Variants in ARHGEF28 observed in about 807,000 individuals in gnomAD.
ARHGEF28 encodes the protein 190 kDa guanine nucleotide exchange factor.
ARHGEF28 carries 152 observed loss-of-function variants against 206.6 expected under a neutral mutation model. That is an observed-to-expected ratio of 0.74 (90% CI 0.64 to 0.84). ARHGEF28 has a LOEUF of 0.84. ARHGEF28 is among the 40% of genes least tolerant of loss of function. The pLI, the probability that ARHGEF28 is intolerant of heterozygous loss-of-function variation, is 0.00. For missense variants in ARHGEF28, 2,028 were observed against 2,073.2 expected, an observed-to-expected ratio of 0.98 and a Z score of 0.42; for synonymous variants, 763 against 776.4, an observed-to-expected ratio of 0.98 and a Z score of 0.29.
chr5:73,838,329 T>C (rs971977259), intron 10 of ARHGEF28, among the ~76,000 whole-genome samples: 1 of 152,202 alleles, frequency 6.6e-6, no homozygotes, highest in African/African-American at 2.4e-5. Context: ...TCTGCATATT[T>C]AAAATGCTTT....
intron 2 of ARHGEF28, among the ~76,000 whole-genome samples, chr5:73,705,139 TA>T (rs1164744731): frequency 6.6e-6 from 1 of 152,216 alleles, no homozygotes; most frequent in Non-Finnish European, 1.5e-5. Flanking sequence ...AGGTGGCAAT[TA>T]ACCCCTTGAT....
At chr5:73,756,707 C>T (rs959566197) in intron 4 of ARHGEF28, among the ~76,000 whole-genome samples, 1 of 152,114 alleles carries the variant, frequency 6.6e-6, no homozygotes, top group Non-Finnish European at 1.5e-5. Context: ...CAGTACATTT[C>T]TGTCAAAATT....
chr5:73,756,215 T>C (rs1040519988), intron 4 of ARHGEF28, among the ~76,000 whole-genome samples: 11 of 152,216 alleles, frequency 7.2e-5, no homozygotes, highest in African/African-American at 2.2e-4. Context: ...TCTAAACATA[T>C]TAAGTTTTCA....
chr5:73,723,463 G>T (rs576071647), intron 2 of ARHGEF28, among the ~76,000 whole-genome samples: 1 of 152,190 alleles, frequency 6.6e-6, no homozygotes, highest in Non-Finnish European at 1.5e-5. Context: ...TGGGATTACA[G>T]GCGTGAGCCA....
intron 1 of ARHGEF28, among the ~76,000 whole-genome samples, chr5:73,663,308 G>T (rs1745732935): frequency 6.6e-6 from 1 of 152,134 alleles, no homozygotes; most frequent in Admixed American, 6.6e-5. Context: ...CAGTGTGCAG[G>T]ACTGTTCCTG....
chr5:73,875,425 T>G (rs1760401139), intron 22 of ARHGEF28, among the ~76,000 whole-genome samples: 2 of 149,918 alleles, frequency 1.3e-5, no homozygotes, highest in Non-Finnish European at 3.0e-5. Context: ...TTAGTTTAAT[T>G]AGATCCCATT....
intron 11 of ARHGEF28, among the ~76,000 whole-genome samples, chr5:73,845,986 C>CAAAAAAAAAAAA (rs57600570): frequency 2.2e-4 from 14 of 63,724 alleles, no homozygotes; most frequent in East Asian, 5.0e-4. Context: ...AAAACTGTCT[C>CAAAAAAAAAAAA]AAAAAAAAAA....
At chr5:73,917,467 G>A (rs1219656152) in intron 35 of ARHGEF28, among the ~76,000 whole-genome samples, 4 of 152,234 alleles carry the variant, frequency 2.6e-5, no homozygotes, top group African/African-American at 9.6e-5. Flanking sequence ...GAAAAGGAAA[G>A]ATGACATTCG....
At chr5:73,792,130 GTATCAC>G (rs1754517810) in intron 7 of ARHGEF28, among the ~76,000 whole-genome samples, 1 of 152,150 alleles carries the variant, frequency 6.6e-6, no homozygotes, top group Admixed American at 6.5e-5. Flanking sequence ...AATCAGCACA[GTATCAC>G]TAATATTTTT....
intron 35 of ARHGEF28, among the ~76,000 whole-genome samples, chr5:73,913,666 A>G (rs1763040523): frequency 6.6e-6 from 1 of 152,206 alleles, no homozygotes; most frequent in Non-Finnish European, 1.5e-5. Flanking sequence ...GCCAGAACCA[A>G]GGACCAGGCA....
intron 4 of ARHGEF28, among the ~76,000 whole-genome samples, chr5:73,768,451 T>C (rs886866850): frequency 1.3e-5 from 2 of 152,166 alleles, no homozygotes; most frequent in Non-Finnish European, 2.9e-5. Context: ...GTGACCTGGA[T>C]ATGAGACATG....
intron 1 of ARHGEF28, among the ~76,000 whole-genome samples, chr5:73,651,083 T>A (rs1744797598): frequency 6.6e-6 from 1 of 152,190 alleles, no homozygotes. Context: ...GGGCTTGAAC[T>A]GGGTAAGATT....
chr5:73,881,044 T>C (rs1022928849), intron 22 of ARHGEF28, among the ~76,000 whole-genome samples: 2 of 152,096 alleles, frequency 1.3e-5, no homozygotes, highest in African/African-American at 4.8e-5. Flanking sequence ...CAGGTTTTTT[T>C]TTTTTTTGTC....
In ARHGEF28 at chr5:73,709,742, A is replaced by G. The variant is rs60068662; in HGVS notation, c.33+24858A>G. On this transcript the variant is annotated intron_variant, in intron 2 of 35. Coordinates refer to ENST00000513042, the MANE Select transcript of ARHGEF28 (RefSeq NM_001177693.2). ...GATGCAGTTTGTCAGTTTGCCAACA[A>G]CCTGCATTCATGAGCTGTTTGCTCA... Among the ~76,000 whole-genome samples, 779 of 152,306 alleles carry G rather than the reference A, an allele frequency of 5.1e-3. 7 individuals carry two copies. Among genetic ancestry groups the G allele is most frequent in the African/African-American group, 0.018 (747 of 41,578 alleles).
At chr5:73,802,882 G>A (rs1283418108) in intron 9 of ARHGEF28, among the ~76,000 whole-genome samples, 1 of 148,326 alleles carries the variant, frequency 6.7e-6, no homozygotes, top group Non-Finnish European at 1.5e-5. Context: ...GTGTGTGTGT[G>A]TGTGTGTGTG....
At chr5:73,691,177 A>G (rs1304695768) in intron 2 of ARHGEF28, among the ~76,000 whole-genome samples, 2 of 152,028 alleles carry the variant, frequency 1.3e-5, no homozygotes, top group African/African-American at 4.8e-5. Flanking sequence ...AGATCCACCC[A>G]CCTTGGACTC....
At chr5:73,715,506 A>G (rs887431291) in intron 2 of ARHGEF28, among the ~76,000 whole-genome samples, 8 of 152,228 alleles carry the variant, frequency 5.3e-5, no homozygotes, top group Non-Finnish European at 1.0e-4. Flanking sequence ...ATTCTCTAAA[A>G]ATAGAAAGGA....
At chr5:73,863,683 T>C (rs1264695379) in intron 16 of ARHGEF28, among the ~76,000 whole-genome samples, 1 of 151,448 alleles carries the variant, frequency 6.6e-6, no homozygotes, top group African/African-American at 2.4e-5. Flanking sequence ...TTCTTTCCTA[T>C]TTCTGGATCT....
intron 4 of ARHGEF28, among the ~76,000 whole-genome samples, chr5:73,756,661 A>G (rs1056919758): frequency 1.3e-5 from 2 of 152,182 alleles, no homozygotes; most frequent in Admixed American, 6.5e-5. Flanking sequence ...GATATTGGCT[A>G]AGTTTAGATT....
Sources: gnomAD v4.1 joint callset for allele counts (sites outside exome capture counted in the v4.1 genomes callset) on GRCh38, gnomAD v4.1.1 for gene constraint, MANE v1.5 for transcripts, NCBI Gene and HGNC (gene_info 2026-07-23, HGNC 2026-07-21) for gene names.